The following KDM4C variants were observed in gnomAD, a reference collection of about 807,000 sequenced individuals.
KDM4C encodes the protein lysine demethylase 4C.
Under a neutral mutation model 129.3 loss-of-function variants are expected in KDM4C, and 81 were observed. That is an observed-to-expected ratio of 0.63 (90% CI 0.52 to 0.75). The LOEUF (loss-of-function observed/expected upper bound fraction) is 0.75. KDM4C is among the 30% of genes least tolerant of loss of function. KDM4C has a pLI of 0.00. For synonymous variants in KDM4C, 573 were observed against 456.1 expected (o/e 1.26, Z -3.26); for missense variants, 1,457 against 1,304.0 (o/e 1.12, Z -1.81).
intron 15 of KDM4C, among the ~76,000 whole-genome samples, chr9:7,039,612 T>C (rs138144302): frequency 3.3e-5 from 5 of 152,248 alleles, no homozygotes; most frequent in African/African-American, 1.2e-4. Flanking sequence ...GGAAGCCTTA[T>C]TGATATAACA....
At chr9:6,916,283 A>G (rs1820298186) in intron 8 of KDM4C, among the ~76,000 whole-genome samples, 1 of 152,138 alleles carries the variant, frequency 6.6e-6, no homozygotes, top group African/African-American at 2.4e-5. Flanking sequence ...TGAGCATTTT[A>G]AAGAAGAGGT....
At chr9:7,155,567 C>G (rs1423533052) in intron 19 of KDM4C, among the ~76,000 whole-genome samples, 1 of 152,064 alleles carries the variant, frequency 6.6e-6, no homozygotes. Context: ...TCCGTGTGAT[C>G]TCATTGTTCA....
chr9:7,112,001 G>T (rs1322027889), intron 18 of KDM4C, among the ~76,000 whole-genome samples: 1 of 151,962 alleles, frequency 6.6e-6, no homozygotes, highest in African/African-American at 2.4e-5. Flanking sequence ...CAGGTACTCA[G>T]TTCACCCCTT....
rs552499866 is a variant in KDM4C at position 6,863,622 on chromosome 9, T to C, written c.629+13922T>C. ...CCATCCTGGCTAACACGGTGAAACC[T>C]TGTCTCTACTAAAAATACAAAAAAT... On this transcript the variant is annotated intron_variant, in intron 5 of 21. Coordinates refer to ENST00000381309, the MANE Select transcript of KDM4C (RefSeq NM_015061.6). 2.0e-5 allele frequency among the ~76,000 whole-genome samples: 3 copies of C among 151,694 alleles called. No homozygotes were observed. The East Asian group carries it at 5.8e-4, about 29-fold the overall frequency.
chr9:6,980,633 C>T (rs1318361862), intron 8 of KDM4C, among the ~76,000 whole-genome samples: 1 of 152,092 alleles, frequency 6.6e-6, no homozygotes, highest in Non-Finnish European at 1.5e-5. Flanking sequence ...AATAATCTTT[C>T]CATTGCAGGC....
At chr9:7,106,658 A>G (rs189316469) in intron 18 of KDM4C, among the ~76,000 whole-genome samples, 70 of 152,218 alleles carry the variant, frequency 4.6e-4, no homozygotes, top group Admixed American at 7.2e-4. Flanking sequence ...ATAAATTATT[A>G]TTTTGTAATT....
In KDM4C at chr9:6,952,918, G is replaced by C. The variant is rs115075450; in HGVS notation, c.922-28007G>C. The stretch of plus-strand genomic sequence containing the variant: ...GTACAGTGAGCACGGTTTGCAGTCG[G>C]GGGAGGGAGATCTAATATTTTTAAA... On this transcript the variant is annotated intron_variant, in intron 8 of 21. Coordinates refer to ENST00000381309, the MANE Select transcript of KDM4C (RefSeq NM_015061.6). 4.8e-3 allele frequency among the ~76,000 whole-genome samples: 733 copies of C among 152,244 alleles called. 8 individuals are homozygous for C. Among genetic ancestry groups the C allele is most frequent in the African/African-American group, 0.017 (703 of 41,522 alleles).
At chr9:6,798,224 T>C (rs1421354652) in intron 2 of KDM4C, among the ~76,000 whole-genome samples, 1 of 151,494 alleles carries the variant, frequency 6.6e-6, no homozygotes, top group Non-Finnish European at 1.5e-5. Flanking sequence ...CAAAATATTT[T>C]ATAGGCAAGC....
At chr9:6,977,384 G>C (rs191516177) in intron 8 of KDM4C, among the ~76,000 whole-genome samples, 149 of 152,240 alleles carry the variant, frequency 9.8e-4, no homozygotes, top group African/African-American at 3.5e-3. Context: ...ATGTAAGCAA[G>C]AAATCAACTT....
Position 7,165,365 on chromosome 9 carries a change from C to G in KDM4C, c.2901+8C>G, listed in dbSNP as rs958631078. On this transcript the variant is annotated splice_region_variant and intron_variant, in intron 20 of 21. Coordinates refer to ENST00000381309, the MANE Select transcript of KDM4C (RefSeq NM_015061.6). ...ATTGCCCACATGTACCAGGTGGGTTCTTCCTTCTCTGTGATGCTTGCTAAG... is the reference window on the plus strand; with the variant it reads ...ATTGCCCACATGTACCAGGTGGGTTGTTCCTTCTCTGTGATGCTTGCTAAG... 5 of 1,613,298 alleles carry G rather than the reference C, an allele frequency of 3.1e-6. No individual in the cohort carries two copies. Among genetic ancestry groups the G allele is most frequent in the Non-Finnish European group, 4.2e-6 (5 of 1,179,594 alleles).
At chr9:7,134,728 T>C (rs148259847) in intron 19 of KDM4C, among the ~76,000 whole-genome samples, 2 of 152,314 alleles carry the variant, frequency 1.3e-5, no homozygotes, top group Non-Finnish European at 2.9e-5. Flanking sequence ...GAAACAATAT[T>C]ACCATATTGG....
At chr9:7,012,877 A>G (rs1464038602) in intron 13 of KDM4C, among the ~76,000 whole-genome samples, 1 of 152,222 alleles carries the variant, frequency 6.6e-6, no homozygotes, top group African/African-American at 2.4e-5. Context: ...TGTCTGTCTT[A>G]GAGTTCCTTA....
chr9:7,053,147 C>T (rs1830439472), intron 17 of KDM4C, among the ~76,000 whole-genome samples: 1 of 152,128 alleles, frequency 6.6e-6, no homozygotes. Flanking sequence ...AAATGTCTTC[C>T]ATTATATGAA....
rs541952296 is a variant in KDM4C at position 6,792,961 on chromosome 9, C to G, written c.-17-11C>G. ...AATTCAGTTCTGTTGACCCTACTGTCTTCTCTCCAGACACTGCCCTAACCA... is the reference window on the plus strand; with the variant it reads ...AATTCAGTTCTGTTGACCCTACTGTGTTCTCTCCAGACACTGCCCTAACCA... On this transcript the variant is annotated splice_polypyrimidine_tract_variant and intron_variant, in intron 1 of 21. Coordinates refer to ENST00000381309, the MANE Select transcript of KDM4C (RefSeq NM_015061.6). 16 of 1,613,604 alleles carry G rather than the reference C, an allele frequency of 9.9e-6. No individual in the cohort carries two copies. The East Asian group carries it at 1.3e-4, about 13-fold the overall frequency.
Position 6,739,612 on chromosome 9 carries a change from G to A in KDM4C, c.49+18615G>A, listed in dbSNP as rs946498923. On this transcript the variant is annotated intron_variant, in intron 1 of 17. Coordinates refer to the KDM4C transcript ENST00000536108. Reference sequence around the variant, plus strand: ...TAGATAGCTAGATAGATAGATATGAGTATATTGATATGCAGGGTAGATTTT... The same window carrying A: ...TAGATAGCTAGATAGATAGATATGAATATATTGATATGCAGGGTAGATTTT... 2.7e-5 allele frequency among the ~76,000 whole-genome samples: 4 copies of A among 150,792 alleles called. No individual in the cohort carries two copies. The South Asian group carries it at 8.4e-4, about 32-fold the overall frequency.
At chr9:7,008,489 C>G (rs1014662275) in intron 12 of KDM4C, among the ~76,000 whole-genome samples, 1 of 152,222 alleles carries the variant, frequency 6.6e-6, no homozygotes, top group Non-Finnish European at 1.5e-5. Context: ...CCAAGCTGGT[C>G]CCCTGGTCTA....
intron 9 of KDM4C, among the ~76,000 whole-genome samples, chr9:6,982,960 A>T (rs774453249): frequency 6.6e-6 from 1 of 152,240 alleles, no homozygotes; most frequent in Non-Finnish European, 1.5e-5. Flanking sequence ...CCCTTTGGAA[A>T]TAGCCCATTT....
chr9:7,165,219 G>T lies in KDM4C; in HGVS notation c.2782-19G>T. On this transcript the variant is annotated intron_variant, in intron 19 of 21. Transcript: ENST00000381309. Reference sequence around the variant, plus strand: ...CTTAGGCACTCCTTTTGAAAAGCCTGTCTCTGTTTATTCTGCAGAGCCGAG... The same window carrying T: ...CTTAGGCACTCCTTTTGAAAAGCCTTTCTCTGTTTATTCTGCAGAGCCGAG... 6.2e-7 allele frequency: 1 copy of T among 1,612,264 alleles called. No individual in the cohort carries two copies. The highest frequency in any genetic ancestry group is 8.5e-7 in the Non-Finnish European group (1 of 1,179,508).
chr9:7,005,434 T>TAAA (rs1658808952), intron 12 of KDM4C, among the ~76,000 whole-genome samples: 1 of 39,368 alleles, frequency 2.5e-5, no homozygotes, highest in African/African-American at 1.1e-4. Flanking sequence ...AAACTCTGTC[T>TAAA]CAAAAAAAAA....
Sources: allele counts gnomAD v4.1 joint callset (sites outside exome capture counted in the v4.1 genomes callset), GRCh38; gene constraint gnomAD v4.1.1; transcripts MANE v1.5; gene names NCBI Gene and HGNC (gene_info 2026-07-23, HGNC 2026-07-21).